The following UBE2Q2 variants were observed in gnomAD, a reference collection of about 807,000 sequenced individuals.
The protein encoded by UBE2Q2 is ubiquitin conjugating enzyme E2 Q2, also known as ubiquitin-conjugating enzyme E2 Q2.
In UBE2Q2, 54 loss-of-function variants were observed where a neutral mutation model predicts 59.9. That is an observed-to-expected ratio of 0.90 (90% CI 0.72 to 1.13). UBE2Q2 has a LOEUF of 1.13. UBE2Q2 is among the 50% of genes most tolerant of loss of function. UBE2Q2 has a pLI of 0.00. For synonymous variants in UBE2Q2, 165 were observed against 155.2 expected (o/e 1.06, Z -0.47); for missense variants, 433 against 441.9 (o/e 0.98, Z 0.18).
chr15:75,846,580 T>G (rs780500228), intron 1 of UBE2Q2, among the ~76,000 whole-genome samples: 2 of 152,214 alleles, frequency 1.3e-5, no homozygotes, highest in Admixed American at 1.3e-4. Flanking sequence ...TTCATGTCGA[T>G]ACCATTTGCT....
intron 3 of UBE2Q2, among the ~76,000 whole-genome samples, chr15:75,863,489 G>A (rs904307508): frequency 1.3e-5 from 2 of 151,486 alleles, no homozygotes; most frequent in African/African-American, 4.9e-5. Flanking sequence ...TGTCGCCCAG[G>A]GTGGAGTGCA....
rs371786099 is a variant in UBE2Q2, at chr15:75,883,367, A to G, written c.827A>G (p.Asp276Gly). The change falls in exon 9 of 13, where the codon GAT becomes GGT. Residue 276 changes from aspartate to glycine, a missense_variant and splice_region_variant. Transcript: ENST00000267938. ...TAAACTTGCTTATTTGCTTTTTAGG[A>G]TAACTTTCCATTTGATCCTCCATTT... ...EYILLNFSFK[D>G]NFPFDPPFVR... 4.3e-6 allele frequency: 7 copies of G among 1,612,938 alleles called. No homozygotes were observed. Among genetic ancestry groups the G allele is most frequent in the Non-Finnish European group, 5.9e-6 (7 of 1,179,344 alleles).
rs531908377 is a variant in UBE2Q2 at position 75,883,234 on chromosome 15, T to C, written c.826-132T>C. 1.6e-5 allele frequency: 13 copies of C among 824,834 alleles called. No homozygotes were observed. In the South Asian group the frequency reaches 2.7e-4, roughly 17 times the overall value. 51.1% of individuals were successfully genotyped at this position (824,834 alleles called of 1,614,324 possible). A position where few individuals can be genotyped will look rare whatever the true frequency, so the allele number is the denominator to read the frequency against. On this transcript the variant is annotated intron_variant, in intron 8 of 12. Transcript: ENST00000267938. The stretch of plus-strand genomic sequence containing the variant: ...TGGTTTTCATTTTGGTTTTGGGTAC[T>C]AATTTTATGACTCTTACCCATTATC...
intron 3 of UBE2Q2, among the ~76,000 whole-genome samples, chr15:75,868,153 G>C (rs1455078683): frequency 6.6e-6 from 1 of 152,064 alleles, no homozygotes; most frequent in Non-Finnish European, 1.5e-5. Flanking sequence ...GACCTTTGTT[G>C]GTCTTACTTG....
rs545216158 is a variant in UBE2Q2, at chr15:75,899,145, G to A, written c.1097-282G>A. 1.2e-4 allele frequency among the ~76,000 whole-genome samples: 18 copies of A among 150,324 alleles called. No individual in the cohort carries two copies. The Middle Eastern group carries it at 0.014, about 114-fold the overall frequency. On this transcript the variant is annotated intron_variant, in intron 12 of 12. Transcript: ENST00000267938. The stretch of plus-strand genomic sequence containing the variant: ...AAAAAAATTAGTGGGGCATAGTGGC[G>A]CATGCCTATAATCCCAGCTACTTGG...
At chr15:75,851,526 T>C (rs2141544067) in intron 1 of UBE2Q2, among the ~76,000 whole-genome samples, 1 of 152,310 alleles carries the variant, frequency 6.6e-6, no homozygotes, top group South Asian at 2.1e-4. Flanking sequence ...ATACAAGTTT[T>C]CAAAAATTCT....
Position 75,901,044 on chromosome 15 carries a change from A to T in UBE2Q2, c.*1586A>T, listed in dbSNP as rs370675208. 1 of 152,750 alleles carries T rather than the reference A, an allele frequency of 6.5e-6. No homozygotes were observed. The highest frequency in any genetic ancestry group is 2.4e-5 in the African/African-American group (1 of 41,570). The allele number at this position is 152,750 out of a possible 1,614,324, so 9.5% of individuals were successfully genotyped here. A position where few individuals can be genotyped will look rare whatever the true frequency, so the allele number is the denominator to read the frequency against. ...TTTATGAATAAAGAACCATTTAAAA[A>T]TTTTGTTTGTGCTGATCATGGCAAG... On this transcript the variant is annotated 3_prime_UTR_variant, in exon 13 of 13. Coordinates refer to ENST00000267938, the MANE Select transcript of UBE2Q2 (RefSeq NM_173469.4).
At chr15:75,890,403 G>A (rs112446693) in intron 9 of UBE2Q2, 32 bp from the exon 10 acceptor site, 2 of 1,566,662 alleles carry the variant, frequency 1.3e-6, no homozygotes, top group African/African-American at 1.4e-5. Flanking sequence ...TAATTCTCGA[G>A]AATTTTGTAT....
intron 8 of UBE2Q2, among the ~76,000 whole-genome samples, chr15:75,879,963 G>A (rs976904996): frequency 7.2e-5 from 11 of 152,166 alleles, no homozygotes; most frequent in African/African-American, 2.2e-4. Flanking sequence ...GTATATCTGC[G>A]CAGGCTTCTT....
rs1897907999 is a variant in UBE2Q2 at position 75,873,527 on chromosome 15, T to C, written c.547T>C (p.Leu183=). ...AATTGAAAAAGAAAATTTGGCAATA[T>C]TAGAGAAAATTAGGAAGACTCAAAG... ...EGIEKENLAI[L]EKIRKTQRQD... Residue 183 remains leucine, a synonymous_variant, in exon 5 of 13, where the codon TTA becomes CTA. Transcript: ENST00000267938. 1 of 1,613,684 alleles carries C rather than the reference T, an allele frequency of 6.2e-7. No individual in the cohort carries two copies. The highest frequency in any genetic ancestry group is 1.3e-5 in the African/African-American group (1 of 74,880).
intron 2 of UBE2Q2, among the ~76,000 whole-genome samples, chr15:75,856,269 G>GTA (rs60490503): frequency 0.011 from 1,539 of 139,232 alleles, 16 homozygotes; most frequent in South Asian, 0.052. Flanking sequence ...GTGTGTGTGT[G>GTA]TATATATATA....
At chr15:75,851,119 A>T (rs1036265267) in intron 1 of UBE2Q2, among the ~76,000 whole-genome samples, 2 of 150,076 alleles carry the variant, frequency 1.3e-5, no homozygotes, top group African/African-American at 4.9e-5. Context: ...CATTTTAGAT[A>T]ATCCTGGATA....
At chr15:75,879,860 AG>A (rs1310422756) in intron 8 of UBE2Q2, among the ~76,000 whole-genome samples, 2 of 152,174 alleles carry the variant, frequency 1.3e-5, no homozygotes, top group Non-Finnish European at 2.9e-5. Flanking sequence ...AACTGCCCAA[AG>A]AGGAAAACTG....
chr15:75,852,722 A>T (rs1167543954), intron 1 of UBE2Q2, among the ~76,000 whole-genome samples: 2 of 152,218 alleles, frequency 1.3e-5, no homozygotes, highest in East Asian at 3.8e-4. Flanking sequence ...GAAGAAGAAA[A>T]TGCAGTACTC....
At chr15:75,845,670 G>C (rs1169127873) in intron 1 of UBE2Q2, among the ~76,000 whole-genome samples, 1 of 152,142 alleles carries the variant, frequency 6.6e-6, no homozygotes, top group Non-Finnish European at 1.5e-5. Context: ...AGTGGGGGTG[G>C]GGTGGTCTTA....
intron 5 of UBE2Q2, 128 bp from the exon 6 acceptor site, chr15:75,876,059 C>T (rs1447527578): frequency 2.7e-6 from 2 of 754,084 alleles, no homozygotes; most frequent in Non-Finnish European, 2.0e-6. Context: ...GGCTAGACTC[C>T]ATCTCCAAAA....
At chr15:75,854,563 A>G (rs569930580) in intron 2 of UBE2Q2, 76 bp downstream of exon 2, 5 of 864,342 alleles carry the variant, frequency 5.8e-6, no homozygotes, top group Admixed American at 2.6e-5. Flanking sequence ...AAGAGATAAT[A>G]TGATATAAAA....
At chr15:75,862,557 G>A (rs1159120887) in intron 3 of UBE2Q2, among the ~76,000 whole-genome samples, 1 of 150,994 alleles carries the variant, frequency 6.6e-6, no homozygotes, top group Non-Finnish European at 1.5e-5. Flanking sequence ...TGGCTCACAC[G>A]TATAATCTGA....
chr15:75,886,125 GTT>G (rs5813808), intron 9 of UBE2Q2, among the ~76,000 whole-genome samples: 3 of 147,914 alleles, frequency 2.0e-5, no homozygotes, highest in African/African-American at 2.5e-5. Context: ...TTGTGTTTTA[GTT>G]TTTTTTTTTT....
Sources: allele counts gnomAD v4.1 joint callset (sites outside exome capture counted in the v4.1 genomes callset), GRCh38; gene constraint gnomAD v4.1.1; transcripts MANE v1.5; gene names NCBI Gene and HGNC (gene_info 2026-07-23, HGNC 2026-07-21).